The following KIAA1328 variants were observed in gnomAD, a reference collection of about 807,000 sequenced individuals.
The protein encoded by KIAA1328 is protein hinderin.
Under a neutral mutation model 68.1 loss-of-function variants are expected in KIAA1328, and 52 were observed. The observed-to-expected ratio is 0.76, with a 90% confidence interval of 0.61 to 0.96. The LOEUF (loss-of-function observed/expected upper bound fraction) is 0.96, where lower values mean the gene tolerates loss of function less well. Ranked by LOEUF, KIAA1328 falls within the 40% of genes least tolerant of loss-of-function variation. The pLI is 0.00. For synonymous variants in KIAA1328, 232 were observed against 239.4 expected (o/e 0.97, Z 0.28); for missense variants, 641 against 677.6 (o/e 0.95, Z 0.60).
intron 4 of KIAA1328, among the ~76,000 whole-genome samples, chr18:36,885,199 G>A (rs2048456543): frequency 6.6e-6 from 1 of 152,018 alleles, no homozygotes; most frequent in Admixed American, 6.5e-5. Context: ...AAAATCAATT[G>A]ATTGTACCTG....
chr18:37,104,781 TA>T (rs1363577050), intron 7 of KIAA1328, among the ~76,000 whole-genome samples: 1 of 152,106 alleles, frequency 6.6e-6, no homozygotes, highest in East Asian at 1.9e-4. Flanking sequence ...TATGTAACAA[TA>T]AAAAATGAAA....
intron 4 of KIAA1328, among the ~76,000 whole-genome samples, chr18:36,871,509 A>T (rs908998898): frequency 6.6e-6 from 1 of 152,104 alleles, no homozygotes; most frequent in African/African-American, 2.4e-5. Context: ...ATTATAATCT[A>T]ATATTGTTAT....
chr18:37,035,669 G>A (rs376627202), intron 6 of KIAA1328, among the ~76,000 whole-genome samples: 4 of 152,048 alleles, frequency 2.6e-5, no homozygotes, highest in South Asian at 2.1e-4. Flanking sequence ...ATCTCTTCCC[G>A]TATTATAGTT....
At chr18:36,847,377 TG>T (rs2047063817) in intron 4 of KIAA1328, among the ~76,000 whole-genome samples, 1 of 151,626 alleles carries the variant, frequency 6.6e-6, no homozygotes, top group African/African-American at 2.4e-5. Flanking sequence ...GCAACTTATG[TG>T]AGTTCCATTA....
chr18:36,890,293 A>C (rs907182199), intron 5 of KIAA1328, among the ~76,000 whole-genome samples: 6 of 151,502 alleles, frequency 4.0e-5, no homozygotes, highest in Non-Finnish European at 8.8e-5. Flanking sequence ...TTAACTTGGC[A>C]TATCCAAATC....
At chr18:37,183,430 A>G (rs905236246) in intron 9 of KIAA1328, among the ~76,000 whole-genome samples, 2 of 152,182 alleles carry the variant, frequency 1.3e-5, no homozygotes, top group Non-Finnish European at 2.9e-5. Flanking sequence ...GATTTTTCAA[A>G]AAGACTCTGA....
In KIAA1328 at chr18:36,912,271, G is replaced by A. The variant is rs72887060; in HGVS notation, c.448+26599G>A. 3.0e-3 allele frequency among the ~76,000 whole-genome samples: 458 copies of A among 152,212 alleles called. 2 individuals carry two copies. Among genetic ancestry groups the A allele is most frequent in the Non-Finnish European group, 4.4e-3 (301 of 68,008 alleles). On this transcript the variant is annotated intron_variant, in intron 5 of 9. Transcript: ENST00000280020. ...TGGGTTAAAATCAAGGTGTCAGCAG[G>A]ACTGTTACCCTTCTGGAGGCTCTAG...
chr18:36,942,841 T>A (rs1301011003), intron 5 of KIAA1328, among the ~76,000 whole-genome samples: 1 of 152,208 alleles, frequency 6.6e-6, no homozygotes, highest in Non-Finnish European at 1.5e-5. Flanking sequence ...TACTGCTTAA[T>A]AAAAGGGAGA....
intron 7 of KIAA1328, among the ~76,000 whole-genome samples, chr18:37,121,838 G>C (rs1179922263): frequency 6.7e-6 from 1 of 149,488 alleles, no homozygotes; most frequent in African/African-American, 2.6e-5. Flanking sequence ...TTAGGTGAAT[G>C]CATGAATGAA....
At chr18:36,979,195 GAATAA>G (rs1397533593) in intron 6 of KIAA1328, among the ~76,000 whole-genome samples, 1 of 96,576 alleles carries the variant, frequency 1.0e-5, no homozygotes, top group African/African-American at 2.8e-5. Flanking sequence ...AAAATAAAAT[GAATAA>G]AATAAAAAGA....
rs538677465 is a variant in KIAA1328, at chr18:37,200,534, G to A, written c.1524-21483G>A. On this transcript the variant is annotated intron_variant, in intron 9 of 9. Coordinates refer to ENST00000280020, the MANE Select transcript of KIAA1328 (RefSeq NM_020776.3). ...CGATAATTAAAAGGAGCTGTCGGCC[G>A]GGCGCGGTGGCTCACGCCTGTAATC... Among the ~76,000 whole-genome samples the A allele has an allele frequency of 1.4e-4, 21 of 152,036 alleles. No individual in the cohort carries two copies. In the South Asian group the frequency reaches 2.7e-3, roughly 20 times the overall value.
chr18:37,177,659 C>T (rs778880162), intron 9 of KIAA1328, among the ~76,000 whole-genome samples: 1 of 151,654 alleles, frequency 6.6e-6, no homozygotes, highest in African/African-American at 2.4e-5. Flanking sequence ...AACACAAAAG[C>T]GTTAAAGGTT....
intron 6 of KIAA1328, among the ~76,000 whole-genome samples, chr18:37,058,809 ACT>A (rs1187522954): frequency 6.6e-6 from 1 of 151,958 alleles, no homozygotes; most frequent in African/African-American, 2.4e-5. Flanking sequence ...CAAAGAAGTT[ACT>A]CCCCTAAAGG....
rs2060610207 is a variant in KIAA1328 at position 37,224,172 on chromosome 18, A to T, written c.*1945A>T. The T allele has an allele frequency of 1.0e-6, 1 of 985,288 alleles. No individual in the cohort carries two copies. The highest frequency in any genetic ancestry group is 1.2e-6 in the Non-Finnish European group (1 of 829,938). The allele number at this position is 985,288 out of a possible 1,614,324, so 61.0% of individuals were successfully genotyped here. A position where few individuals can be genotyped will look rare whatever the true frequency, so the allele number is the denominator to read the frequency against. ...TAGCTTAAGTGTACTTGACTCCCAT[A>T]GACTACTCCCATGCCCACAGTCACC... On this transcript the variant is annotated 3_prime_UTR_variant, in exon 10 of 10. Coordinates refer to ENST00000280020, the MANE Select transcript of KIAA1328 (RefSeq NM_020776.3).
intron 4 of KIAA1328, among the ~76,000 whole-genome samples, chr18:36,848,541 C>CT (rs59271370): frequency 0.14 from 5,150 of 38,060 alleles, 821 homozygotes; most frequent in East Asian, 0.19. Flanking sequence ...TCTATAGATG[C>CT]TTTTTTTTTT....
At chr18:37,227,196 G>A (rs1026672042), downstream of KIAA1328, among the ~76,000 whole-genome samples, 2 of 152,200 alleles carry the variant, frequency 1.3e-5, no homozygotes, top group African/African-American at 4.8e-5. Flanking sequence ...AGCTAGCAGA[G>A]GTTTAAGGAA....
chr18:36,879,023 C>T (rs1232391247), intron 4 of KIAA1328, among the ~76,000 whole-genome samples: 4 of 152,170 alleles, frequency 2.6e-5, no homozygotes, highest in African/African-American at 7.2e-5. Context: ...TCTGTCAATT[C>T]GTCAAACTCA....
chr18:36,865,807 C>T (rs1195128715), intron 4 of KIAA1328, among the ~76,000 whole-genome samples: 1 of 152,098 alleles, frequency 6.6e-6, no homozygotes, highest in Non-Finnish European at 1.5e-5. Flanking sequence ...GTTGGACCAT[C>T]CTCTCACTTT....
chr18:37,080,047 A>G (rs1396397916), intron 7 of KIAA1328, among the ~76,000 whole-genome samples: 3 of 152,216 alleles, frequency 2.0e-5, no homozygotes, highest in Non-Finnish European at 2.9e-5. Flanking sequence ...TTAAGAAAGC[A>G]AGATGACCAG....
Sources: gnomAD v4.1 joint callset for allele counts (sites outside exome capture counted in the v4.1 genomes callset) on GRCh38, gnomAD v4.1.1 for gene constraint, MANE v1.5 for transcripts, NCBI Gene and HGNC (gene_info 2026-07-23, HGNC 2026-07-21) for gene names.